The following MTUS2 variants were observed in gnomAD, a reference collection of about 807,000 sequenced individuals.
MTUS2 encodes microtubule associated scaffold protein 2, also known as microtubule-associated tumor suppressor candidate 2.
A neutral mutation model predicts 114.1 loss-of-function variants in MTUS2; 40 were observed. The observed-to-expected ratio is 0.35, with a 90% confidence interval of 0.27 to 0.46. MTUS2 has a LOEUF of 0.46. MTUS2 is among the 20% of genes least tolerant of loss of function. The pLI is 1.00. For synonymous variants in MTUS2, 688 were observed against 672.0 expected, an observed-to-expected ratio of 1.02 and a Z score of -0.37; for missense variants, 1,679 against 1,705.4, an observed-to-expected ratio of 0.98 and a Z score of 0.27.
intron 6 of MTUS2, among the ~76,000 whole-genome samples, chr13:29,312,075 C>T (rs1008134921): frequency 5.3e-5 from 8 of 152,214 alleles, no homozygotes; most frequent in African/African-American, 1.7e-4. Context: ...TGCTCTGCAG[C>T]GCCCTTGCCC....
chr13:29,247,602 C>G (rs1044871487), intron 5 of MTUS2, among the ~76,000 whole-genome samples: 14 of 152,044 alleles, frequency 9.2e-5, no homozygotes, highest in Non-Finnish European at 1.5e-5. Context: ...CATAAATAGA[C>G]AATTCCCAAA....
At chr13:29,079,463 A>G (rs777591288) in intron 4 of MTUS2, among the ~76,000 whole-genome samples, 2 of 152,070 alleles carry the variant, frequency 1.3e-5, no homozygotes, top group Non-Finnish European at 2.9e-5. Context: ...TATGCTTTTC[A>G]TGTCATAGCT....
At chr13:28,925,749 A>G (rs1192090524) in intron 2 of MTUS2, among the ~76,000 whole-genome samples, 1 of 152,246 alleles carries the variant, frequency 6.6e-6, no homozygotes, top group African/African-American at 2.4e-5. Context: ...GTACCACTGT[A>G]CGAGGTATTG....
chr13:29,393,404 G>T (rs1873659619), intron 8 of MTUS2, among the ~76,000 whole-genome samples: 1 of 152,066 alleles, frequency 6.6e-6, no homozygotes, highest in African/African-American at 2.4e-5. Flanking sequence ...TTTTACTTTA[G>T]CGTCCTCTCC....
chr13:29,466,582 A>C (rs1879901336), intron 9 of MTUS2, among the ~76,000 whole-genome samples: 3 of 152,222 alleles, frequency 2.0e-5, no homozygotes, highest in Admixed American at 1.3e-4. Flanking sequence ...GTAATAAAGA[A>C]AGACAATCAT....
In MTUS2 at chr13:29,122,942, A is replaced by G. The variant is rs75415858; in HGVS notation, c.2644+21972A>G. ...GGACAATTTCTAATGATCAGCCACTATCTATATTGTCCCCAGTGCCTAGTT... is the reference window on the plus strand; with the variant it reads ...GGACAATTTCTAATGATCAGCCACTGTCTATATTGTCCCCAGTGCCTAGTT... On this transcript the variant is annotated intron_variant, in intron 5 of 15. Transcript: ENST00000612955. Among the ~76,000 whole-genome samples, 26 of 152,328 alleles carry G rather than the reference A, an allele frequency of 1.7e-4. No individual in the cohort carries two copies. In the East Asian group the frequency reaches 5.0e-3, roughly 29 times the overall value.
chr13:28,995,839 C>T (rs1885076383), intron 2 of MTUS2, among the ~76,000 whole-genome samples: 1 of 152,190 alleles, frequency 6.6e-6, no homozygotes, highest in Non-Finnish European at 1.5e-5. Context: ...ATGTCATCTG[C>T]AAACTGGGAC....
chr13:28,983,268 A>G lies in MTUS2; in HGVS notation c.-242-41189A>G, dbSNP rs572339975. ...TCTCTCATATGCCATCACTTGCATG[A>G]CCATCAAGCTAATCTGCCTGCTACA... On this transcript the variant is annotated intron_variant, in intron 2 of 15. Coordinates refer to ENST00000612955, the MANE Select transcript of MTUS2 (RefSeq NM_001033602.4). Among the ~76,000 whole-genome samples, 154 of 152,204 alleles carry G rather than the reference A, an allele frequency of 1.0e-3. 1 individual carries two copies. The highest frequency in any genetic ancestry group is 0.01 in the Admixed American group (153 of 15,288).
chr13:29,480,200 G>A lies in MTUS2; in HGVS notation c.3235G>A (p.Glu1079Lys). The A allele has an allele frequency of 6.4e-7, 1 of 1,556,092 alleles. No homozygotes were observed. Among genetic ancestry groups the A allele is most frequent in the Non-Finnish European group, 8.7e-7 (1 of 1,148,998 alleles). ...ACTACAAAAGGAGAAGGAGGAGCTG[G>A]AGAGGCGGTTCGAGGACGAGGTGAA... The part of the protein sequence containing the change: ...EKLQKEKEEL[E>K]RRFEDEVKRL... The change falls in exon 10 of 16, where the codon GAG becomes AAG. Residue 1079 changes from glutamate to lysine, a missense_variant. Glu to Lys is a moderately conservative substitution (Grantham distance 56). Coordinates refer to ENST00000612955, the MANE Select transcript of MTUS2 (RefSeq NM_001033602.4). This position sits in a 1 kb window ranked among gnomAD's most constrained non-coding sequence, Gnocchi z 4.4.
intron 5 of MTUS2, among the ~76,000 whole-genome samples, chr13:29,149,102 C>T (rs1356847242): frequency 6.6e-6 from 1 of 152,192 alleles, no homozygotes; most frequent in East Asian, 1.9e-4. Flanking sequence ...TTAATCACCA[C>T]ACCATCTTCC....
chr13:29,352,849 A>G lies in MTUS2; in HGVS notation c.2906-6413A>G, dbSNP rs138270130. Among the ~76,000 whole-genome samples, 18 of 152,080 alleles carry G rather than the reference A, an allele frequency of 1.2e-4. 1 individual carries two copies. In the East Asian group the frequency reaches 3.3e-3, roughly 28 times the overall value. Reference sequence around the variant, plus strand: ...TCTTTTCTTTTGCAGTATCTAATCTACTCTTCATCCTTTCAGTGTATTTTT... The same window carrying G: ...TCTTTTCTTTTGCAGTATCTAATCTGCTCTTCATCCTTTCAGTGTATTTTT... On this transcript the variant is annotated intron_variant, in intron 7 of 15. Coordinates refer to ENST00000612955, the MANE Select transcript of MTUS2 (RefSeq NM_001033602.4).
chr13:29,036,263 C>G (rs1887067264), intron 4 of MTUS2, among the ~76,000 whole-genome samples: 1 of 152,128 alleles, frequency 6.6e-6, no homozygotes, highest in South Asian at 2.1e-4. Flanking sequence ...AAAAAGTCCT[C>G]TGACGGAAGG....
At chr13:29,269,874 T>G (rs1395223406) in intron 5 of MTUS2, among the ~76,000 whole-genome samples, 3 of 152,184 alleles carry the variant, frequency 2.0e-5, no homozygotes, top group Non-Finnish European at 2.9e-5. Context: ...ATAGGGCCTT[T>G]GAAAAAGAAG....
chr13:29,069,473 G>A (rs115957814), intron 4 of MTUS2, among the ~76,000 whole-genome samples: 2 of 152,280 alleles, frequency 1.3e-5, no homozygotes, highest in Non-Finnish European at 1.5e-5. Context: ...ATTGGGGAAG[G>A]CCATCTGCTT....
chr13:28,884,963 T>TGA (rs1491109374), intron 2 of MTUS2, among the ~76,000 whole-genome samples: 2 of 138,432 alleles, frequency 1.4e-5, no homozygotes, highest in African/African-American at 6.6e-5. Flanking sequence ...CGTCCTCACC[T>TGA]GTGTGTGTGT....
intron 2 of MTUS2, among the ~76,000 whole-genome samples, chr13:28,862,796 A>T (rs1428041800): frequency 6.6e-6 from 1 of 152,254 alleles, no homozygotes; most frequent in Non-Finnish European, 1.5e-5. Flanking sequence ...TGAACATGAT[A>T]GTAAAGGAAA....
At chr13:29,007,605 A>G (rs1885655826) in intron 2 of MTUS2, among the ~76,000 whole-genome samples, 1 of 152,248 alleles carries the variant, frequency 6.6e-6, no homozygotes, top group African/African-American at 2.4e-5. Context: ...CTGAGACAGC[A>G]AGACCAACCC....
chr13:28,844,762 G>A (rs1359286198), intron 2 of MTUS2, among the ~76,000 whole-genome samples: 1 of 151,916 alleles, frequency 6.6e-6, no homozygotes, highest in Non-Finnish European at 1.5e-5. Flanking sequence ...GACTACAGGC[G>A]CACGCCACCA....
intron 5 of MTUS2, among the ~76,000 whole-genome samples, chr13:29,203,084 G>A (rs543624657): frequency 3.2e-4 from 49 of 152,344 alleles, no homozygotes; most frequent in African/African-American, 1.1e-3. Flanking sequence ...CAGGAACAAC[G>A]TTTAAGTCTA....
Sources: gnomAD v4.1 joint callset for allele counts (sites outside exome capture counted in the v4.1 genomes callset) on GRCh38, gnomAD v4.1.1 for gene constraint, Gnocchi (gnomAD v3.1) non-coding constraint, MANE v1.5 for transcripts, NCBI Gene and HGNC (gene_info 2026-07-23, HGNC 2026-07-21) for gene names.